Variants in CARS2 observed in about 807,000 individuals in gnomAD.
CARS2 encodes the protein probable cysteine--tRNA ligase, mitochondrial.
Under a neutral mutation model 68.8 loss-of-function variants are expected in CARS2, and 52 were observed. That is an observed-to-expected ratio of 0.76 (90% confidence interval 0.61 to 0.95). CARS2 has a LOEUF of 0.95. Ranked by LOEUF, CARS2 falls within the 40% of genes least tolerant of loss-of-function variation. The pLI, the probability that CARS2 is intolerant of heterozygous loss-of-function variation, is 0.00. For missense variants in CARS2, 780 were observed against 754.2 expected, an observed-to-expected ratio of 1.03 and a Z score of -0.40; for synonymous variants, 314 against 303.6, an observed-to-expected ratio of 1.03 and a Z score of -0.36.
chr13:110,702,969 C>T (rs1208537969), intron 2 of CARS2, among the ~76,000 whole-genome samples: 2 of 152,138 alleles, frequency 1.3e-5, no homozygotes, highest in Non-Finnish European at 2.9e-5. Flanking sequence ...TCCCTCAAAA[C>T]GCTCCAGTGT....
chr13:110,688,080 C>A (rs1468537708), intron 3 of CARS2, 62 bp from the exon 4 acceptor site: 27 of 1,194,602 alleles, frequency 2.3e-5, no homozygotes, highest in Non-Finnish European at 3.0e-5. Context: ...AACCACCCAG[C>A]CACAAGAAAG....
chr13:110,704,688 C>T (rs1033134102), intron 2 of CARS2, among the ~76,000 whole-genome samples: 2 of 151,750 alleles, frequency 1.3e-5, no homozygotes, highest in African/African-American at 4.8e-5. Context: ...TGCAGTGAGC[C>T]GAGATTGCAC....
chr13:110,649,615 A>G (rs1056575581), intron 10 of CARS2, among the ~76,000 whole-genome samples: 3 of 152,248 alleles, frequency 2.0e-5, no homozygotes, highest in African/African-American at 7.2e-5. Context: ...CTTCATTAAA[A>G]AGGTGAAATC....
At chr13:110,666,647 A>C in intron 8 of CARS2, 1 of 985,256 alleles carries the variant, frequency 1.0e-6, no homozygotes, top group Non-Finnish European at 1.2e-6. Context: ...GTGACATCCT[A>C]ATTTCCCAAT....
chr13:110,666,224 A>G, intron 8 of CARS2: 1 of 985,334 alleles, frequency 1.0e-6, no homozygotes, highest in Non-Finnish European at 1.2e-6. Flanking sequence ...CCCCCTTCCC[A>G]TGTGAGCGCC....
At chr13:110,692,023 T>TACACAC (rs1271674338) in intron 3 of CARS2, among the ~76,000 whole-genome samples, 14 of 66,114 alleles carry the variant, frequency 2.1e-4, no homozygotes, top group African/African-American at 6.0e-4. Context: ...TATATATATA[T>TACACAC]ACACACACAC....
At chr13:110,697,824 T>C (rs1052030620) in intron 3 of CARS2, 58 of 378,192 alleles carry the variant, frequency 1.5e-4, no homozygotes, top group African/African-American at 1.1e-3. Context: ...AAACAGCAAT[T>C]GGGAAAAGGC....
Position 110,705,846 on chromosome 13 carries a change from G to T in CARS2, c.224+24C>A. Reference sequence around the variant, plus strand: ...TCTCCGCCACGATCGGCCCCCGCCCGTGCCCCAGTCCCGCGCGGCCCACCA... The same window carrying T: ...TCTCCGCCACGATCGGCCCCCGCCCTTGCCCCAGTCCCGCGCGGCCCACCA... On this transcript the variant is annotated intron_variant, in intron 1 of 14. Transcript: ENST00000257347. This position sits in a 1 kb window ranked among gnomAD's most constrained non-coding sequence, Gnocchi z 4.0. 1 of 1,541,106 alleles carries T rather than the reference G, an allele frequency of 6.5e-7. No individual in the cohort carries two copies. The highest frequency in any genetic ancestry group is 2.4e-5 in the East Asian group (1 of 41,128).
At chr13:110,643,649 TCTA>T (rs916768458) in intron 13 of CARS2, 34 of 155,162 alleles carry the variant, frequency 2.2e-4, no homozygotes, top group Middle Eastern at 6.8e-3. Context: ...TGCTGAGAAT[TCTA>T]CAAGGGTGTC....
chr13:110,683,703 C>T (rs914483040), intron 5 of CARS2, among the ~76,000 whole-genome samples: 2 of 152,214 alleles, frequency 1.3e-5, no homozygotes, highest in African/African-American at 4.8e-5. Context: ...TCTTCTAAAA[C>T]TACCTTTTTA....
rs1415140685 is a variant in CARS2 at position 110,673,269 on chromosome 13, T to C, written c.785+3705A>G. The stretch of plus-strand genomic sequence containing the variant: ...GCAGAGACACAACAAAAAAGGAGAA[T>C]TTTAGACCAATAGCCCTGATGAACA... On this transcript the variant is annotated intron_variant, in intron 7 of 14. Transcript: ENST00000257347. Among the ~76,000 whole-genome samples the C allele has an allele frequency of 3.3e-5, 5 of 152,114 alleles. No individual in the cohort carries two copies. In the East Asian group the frequency reaches 9.6e-4, roughly 29 times the overall value.
At chr13:110,663,389 C>T (rs906978164) in intron 9 of CARS2, 62 bp downstream of exon 9, 12 of 1,518,766 alleles carry the variant, frequency 7.9e-6, no homozygotes, top group Middle Eastern at 1.7e-4. Context: ...GACACAGAAG[C>T]CTTTAAGATG....
intron 5 of CARS2, among the ~76,000 whole-genome samples, chr13:110,686,347 A>G (rs1256145487): frequency 4.0e-5 from 6 of 150,146 alleles, no homozygotes. Flanking sequence ...GGCTCAATCT[A>G]TCCTCTCACC....
In CARS2 at chr13:110,670,709, G is replaced by C. The variant is rs963745799; in HGVS notation, c.786-3236C>G. ...AATGGAACAAAGCTGGACAGAGAAT[G>C]ACTTTGATGAGTTGAGAGAAGAAGG... On this transcript the variant is annotated intron_variant, in intron 7 of 14. Coordinates refer to ENST00000257347, the MANE Select transcript of CARS2 (RefSeq NM_024537.4). The surrounding 1 kb of genome is among the most constrained non-coding windows in gnomAD (Gnocchi z 4.1). 6.6e-6 allele frequency among the ~76,000 whole-genome samples: 1 copy of C among 152,238 alleles called. No individual in the cohort carries two copies. Among genetic ancestry groups the C allele is most frequent in the Non-Finnish European group, 1.5e-5 (1 of 68,046 alleles).
chr13:110,708,901 G>A (rs1319437822), upstream of CARS2, among the ~76,000 whole-genome samples: 1 of 151,530 alleles, frequency 6.6e-6, no homozygotes, highest in Non-Finnish European at 1.5e-5. Context: ...TTACAGGTGC[G>A]TGCCACCACG....
intron 9 of CARS2, chr13:110,651,319 C>T (rs931701051): frequency 3.8e-6 from 2 of 525,662 alleles, no homozygotes; most frequent in African/African-American, 3.9e-5. Context: ...GTGGAAAGAG[C>T]AAGAAGAGAA....
chr13:110,710,867 T>C (rs1163695167), upstream of CARS2, among the ~76,000 whole-genome samples: 1 of 152,168 alleles, frequency 6.6e-6, no homozygotes, highest in Admixed American at 6.5e-5. Flanking sequence ...CCTTTTTGGT[T>C]TATGTGTATG....
Position 110,705,886 on chromosome 13 carries a change from C to T in CARS2, c.208G>A (p.Ala70Thr). The change falls in exon 1 of 15, where the codon GCC becomes ACC. Residue 70 changes from alanine to threonine, a missense_variant. Ala to Thr is a moderately conservative substitution (Grantham distance 58). Coordinates refer to ENST00000257347, the MANE Select transcript of CARS2 (RefSeq NM_024537.4). This position sits in a 1 kb window ranked among gnomAD's most constrained non-coding sequence, Gnocchi z 4.0. ...GCGGCCCACCAGGAGGCGGCTTCGG[C>T]GTGCGCCACGATTAGGGGTTCCTTC... is the stretch of plus-strand genomic sequence containing the variant. Reference protein sequence around the residue: ...GRKEPLIVAHAEAASWYSCGP... With the variant: ...GRKEPLIVAHTEAASWYSCGP... The T allele has an allele frequency of 6.4e-7, 1 of 1,566,884 alleles. No individual in the cohort carries two copies. The highest frequency in any genetic ancestry group is 1.4e-5 in the African/African-American group (1 of 73,792).
intron 14 of CARS2, among the ~76,000 whole-genome samples, chr13:110,642,045 T>TG (rs1566631100): frequency 3.3e-5 from 5 of 151,816 alleles, no homozygotes; most frequent in African/African-American, 1.2e-4. Flanking sequence ...CTACTAAAAA[T>TG]AAAAAATCAG....
Sources: allele counts gnomAD v4.1 joint callset (sites outside exome capture counted in the v4.1 genomes callset), GRCh38; gene constraint gnomAD v4.1.1; non-coding constraint Gnocchi (gnomAD v3.1); transcripts MANE v1.5; gene names NCBI Gene and HGNC (gene_info 2026-07-23, HGNC 2026-07-21).